The following NECAP2 variants were observed in gnomAD, a reference collection of about 807,000 sequenced individuals.
The protein encoded by NECAP2 is adaptin ear-binding coat-associated protein 2.
In NECAP2, 38 loss-of-function variants were observed where a neutral mutation model predicts 37.8. The ratio of observed to expected loss-of-function variants is 1.01; its 90% CI spans 0.78 to 1.32. NECAP2 has a LOEUF of 1.32. NECAP2 is among the 40% of genes most tolerant of loss of function. NECAP2 has a pLI of 0.00. For synonymous variants in NECAP2, 121 were observed against 127.7 expected, an observed-to-expected ratio of 0.95 and a Z score of 0.35; for missense variants, 316 against 334.5, an observed-to-expected ratio of 0.94 and a Z score of 0.43.
chr1:16,458,841 G>A lies in NECAP2; in HGVS notation c.744-1G>A. 1 of 1,613,394 alleles carries A rather than the reference G, an allele frequency of 6.2e-7. No individual in the cohort carries two copies. Among genetic ancestry groups the A allele is most frequent in the Non-Finnish European group, 8.5e-7 (1 of 1,179,846 alleles). ...CACCCTTCCCTGTCTTCTCTTTACAGATCAACTTCCAGCCAGACCCAGCCA... is the reference window on the plus strand; with the variant it reads ...CACCCTTCCCTGTCTTCTCTTTACAAATCAACTTCCAGCCAGACCCAGCCA... On this transcript the variant is annotated splice_acceptor_variant, in intron 7 of 7. Coordinates refer to ENST00000337132, the MANE Select transcript of NECAP2 (RefSeq NM_018090.5). LOFTEE classifies it high-confidence loss of function.
chr1:16,451,757 C>T (rs1002971979), intron 5 of NECAP2, 81 bp from the exon 6 acceptor site: 11 of 1,529,334 alleles, frequency 7.2e-6, no homozygotes, highest in African/African-American at 4.1e-5. Context: ...CTGGGGTCAC[C>T]TTGGCCCTCC....
intron 5 of NECAP2, chr1:16,449,635 G>T (rs890258493): frequency 2.2e-5 from 4 of 180,294 alleles, no homozygotes; most frequent in Non-Finnish European, 4.7e-5. Context: ...GCCAGAGGTG[G>T]TGTTTCTGTC....
At chr1:16,451,533 T>C in intron 5 of NECAP2, 1 of 384,736 alleles carries the variant, frequency 2.6e-6, no homozygotes, top group East Asian at 5.3e-5. Flanking sequence ...TCGTAGTCAA[T>C]ACTTGATAAT....
intron 5 of NECAP2, 78 bp from the exon 6 acceptor site, chr1:16,451,760 G>T: frequency 1.3e-6 from 2 of 1,535,232 alleles, no homozygotes; most frequent in Non-Finnish European, 1.8e-6. Context: ...GGGTCACCTT[G>T]GCCCTCCTTG....
At position 16,455,595 on chromosome 1, in the gene NECAP2, G is replaced by A. The variant is rs189519196; in HGVS notation, c.668-223G>A. 1,201 of 535,780 alleles carry A rather than the reference G, an allele frequency of 2.2e-3. 3 individuals are homozygous for A. Among genetic ancestry groups the A allele is most frequent in the Non-Finnish European group, 3.5e-3 (1,031 of 298,436 alleles). 33.2% of individuals were successfully genotyped at this position (535,780 alleles called of 1,614,324 possible). On this transcript the variant is annotated intron_variant, in intron 6 of 7. Coordinates refer to ENST00000337132, the MANE Select transcript of NECAP2 (RefSeq NM_018090.5). ...TTCCACCTTGTATGTGGCTTTCTGC[G>A]TTTTCTCCAGAGCGCACAAGGGCTG...
At chr1:16,448,909 G>A (rs1049346474) in intron 4 of NECAP2, among the ~76,000 whole-genome samples, 184 bp from the exon 5 acceptor site, 6 of 152,112 alleles carry the variant, frequency 3.9e-5, no homozygotes, top group African/African-American at 1.4e-4. Flanking sequence ...TGTGCATGCC[G>A]CTACTTAAGT....
Position 16,459,078 on chromosome 1 carries a change from C to CT in NECAP2, c.*189dup. ...AATTGGCACCGTGTCACACTGTTTCCTGGGATTCAAGTATGCAACCAGAAC... is the reference window on the plus strand; with the variant it reads ...AATTGGCACCGTGTCACACTGTTTCCTTGGGATTCAAGTATGCAACCAGAAC... On this transcript the variant is annotated 3_prime_UTR_variant, in exon 8 of 8. Coordinates refer to ENST00000337132, the MANE Select transcript of NECAP2 (RefSeq NM_018090.5). The CT allele has an allele frequency of 7.3e-7, 1 of 1,373,456 alleles. No individual in the cohort carries two copies. The highest frequency in any genetic ancestry group is 2.5e-5 in the East Asian group (1 of 39,770). The allele number at this position is 1,373,456 out of a possible 1,614,324, so 85.1% of individuals were successfully genotyped here.
chr1:16,444,053 G>C (rs2086726491), intron 2 of NECAP2, among the ~76,000 whole-genome samples: 1 of 152,208 alleles, frequency 6.6e-6, no homozygotes. Context: ...AAGACAGGCG[G>C]GTGAGGATGC....
rs112350778 is a variant in NECAP2, at chr1:16,451,898, G to A, written c.550G>A (p.Gly184Arg). The change falls in exon 6 of 8, where the codon GGG becomes AGG. Residue 184 changes from glycine (G) to arginine (R), a missense_variant. Gly to Arg is a moderately radical substitution (Grantham distance 125, BLOSUM62 -2). This residue lies in a region of NECAP2 where 204 missense variants were observed against 188.6 expected (regional missense o/e 1.08). Coordinates refer to ENST00000337132, the MANE Select transcript of NECAP2 (RefSeq NM_018090.5). ...CCGAGTCCGGCCTGCCAGCACAGGA[G>A]GGCTGAGCCTGCTTCCCCCTCCCCC... ...NPRVRPASTG[G>R]LSLLPPPPGG... The A allele has an allele frequency of 4.3e-4, 695 of 1,614,108 alleles. 6 individuals are homozygous for A. The African/African-American group carries it at 8.2e-3, about 19-fold the overall frequency.
chr1:16,450,677 G>A (rs2086829524), intron 5 of NECAP2: 2 of 152,602 alleles, frequency 1.3e-5, no homozygotes, highest in Non-Finnish European at 2.9e-5. Flanking sequence ...GCTGGGAGTG[G>A]TGGCTCACGC....
Position 16,458,906 on chromosome 1 carries a change from T to A in NECAP2, c.*16T>A, listed in dbSNP as rs767763461. 1 of 1,614,096 alleles carries A rather than the reference T, an allele frequency of 6.2e-7. No individual in the cohort carries two copies. Among genetic ancestry groups the A allele is most frequent in the South Asian group, 1.1e-5 (1 of 91,072 alleles). The stretch of plus-strand genomic sequence containing the variant: ...CCAGTTCTGACCTGAGCACGGTTTT[T>A]CCTCATGTGACTTCTGGGAAGGCGC... On this transcript the variant is annotated 3_prime_UTR_variant, in exon 8 of 8. Coordinates refer to ENST00000337132, the MANE Select transcript of NECAP2 (RefSeq NM_018090.5).
At position 16,443,761 on chromosome 1, in the gene NECAP2, G is replaced by A. The variant is rs367751253; in HGVS notation, c.193+29G>A. 2.9e-5 allele frequency: 45 copies of A among 1,552,504 alleles called. No individual in the cohort carries two copies. The African/African-American group carries it at 4.9e-4, about 17-fold the overall frequency. On this transcript the variant is annotated intron_variant, in intron 2 of 7. Coordinates refer to ENST00000337132, the MANE Select transcript of NECAP2 (RefSeq NM_018090.5). ...ACCGGAAGGGAGGCTGCATCAAGCT[G>A]AGGGGCCGCACCCCACTTTATGAAG...
rs539287958 is a variant in NECAP2 at position 16,454,218 on chromosome 1, C to T, written c.668-1600C>T. ...GGGATTACAGGCATGCGCCACCTCA[C>T]GTGGCTAATTTTGTATTTTTAGTGG... On this transcript the variant is annotated intron_variant, in intron 6 of 7. Coordinates refer to ENST00000337132, the MANE Select transcript of NECAP2 (RefSeq NM_018090.5). Among the ~76,000 whole-genome samples, 14 of 151,858 alleles carry T rather than the reference C, an allele frequency of 9.2e-5. No individual in the cohort carries two copies. The South Asian group carries it at 2.3e-3, about 25-fold the overall frequency.
In NECAP2 at chr1:16,451,922, C is replaced by A. The variant is rs946210672; in HGVS notation, c.574C>A (p.Pro192Thr). 1.2e-6 allele frequency: 2 copies of A among 1,613,944 alleles called. No individual in the cohort carries two copies. The highest frequency in any genetic ancestry group is 2.2e-5 in the East Asian group (1 of 44,872). ...AGGGCTGAGCCTGCTTCCCCCTCCC[C>A]CAGGGGGGAAAACCTCCACCCTGAT... The part of the protein sequence containing the change: ...TGGLSLLPPP[P>T]GGKTSTLIPP... Residue 192 changes from proline (P) to threonine (T), a missense_variant, in exon 6 of 8, where the codon CCA becomes ACA. Pro to Thr is a conservative substitution (Grantham distance 38). Transcript: ENST00000337132.
At chr1:16,446,543 CAG>C (rs1308594471) in intron 2 of NECAP2, among the ~76,000 whole-genome samples, 5 of 151,776 alleles carry the variant, frequency 3.3e-5, no homozygotes, top group Admixed American at 2.0e-4. Flanking sequence ...ATCTGGGCAA[CAG>C]AGCATGACCC....
chr1:16,449,882 G>T, intron 5 of NECAP2: 1 of 241,144 alleles, frequency 4.1e-6, no homozygotes, highest in Non-Finnish European at 8.2e-6. Flanking sequence ...GCTGGGCTGG[G>T]CTGGGTTGCC....
chr1:16,453,379 G>A, intron 6 of NECAP2, among the ~76,000 whole-genome samples: 1 of 152,052 alleles, frequency 6.6e-6, no homozygotes, highest in East Asian at 1.9e-4. Context: ...AAAGTGCTAG[G>A]ACTACAGGCG....
intron 5 of NECAP2, chr1:16,451,541 A>G: frequency 5.0e-6 from 2 of 398,458 alleles, no homozygotes; most frequent in Non-Finnish European, 9.0e-6. Context: ...AATACTTGAT[A>G]ATCTACATTT....
chr1:16,447,882 C>T lies in NECAP2; in HGVS notation c.206C>T (p.Ala69Val). 1 of 1,614,096 alleles carries T rather than the reference C, an allele frequency of 6.2e-7. No individual in the cohort carries two copies. The highest frequency in any genetic ancestry group is 8.5e-7 in the Non-Finnish European group (1 of 1,179,972). ...LEDRTSGELF[A>V]QAPVDQFPGT... Reference sequence around the variant, plus strand: ...CCTGTGCTTTCAGGGGAGCTCTTTGCTCAGGCCCCGGTGGATCAGTTTCCT... The same window carrying T: ...CCTGTGCTTTCAGGGGAGCTCTTTGTTCAGGCCCCGGTGGATCAGTTTCCT... Residue 69 changes from alanine to valine, a missense_variant, in exon 3 of 8, where the codon GCT (alanine) becomes GTT (valine). Transcript: ENST00000337132.
Sources: allele counts gnomAD v4.1 joint callset (sites outside exome capture counted in the v4.1 genomes callset), GRCh38; gene constraint gnomAD v4.1.1; regional missense constraint gnomAD v4.1.1; transcripts MANE v1.5; gene names NCBI Gene and HGNC (gene_info 2026-07-23, HGNC 2026-07-21).